The following RARB variants were observed in gnomAD, a reference collection of about 807,000 sequenced individuals.
The protein encoded by RARB is retinoic acid receptor beta, also known as HBV-activated protein.
RARB carries 17 observed loss-of-function variants against 51.9 expected under a neutral mutation model. That is an observed-to-expected ratio of 0.33 (90% CI 0.22 to 0.49). RARB has a LOEUF of 0.49. RARB is among the 20% of genes least tolerant of loss of function. The pLI, the probability that RARB is intolerant of heterozygous loss-of-function variation, is 0.99. For missense variants in RARB, 369 were observed against 550.8 expected, an observed-to-expected ratio of 0.67 and a Z score of 3.30; for synonymous variants, 215 against 195.4, an observed-to-expected ratio of 1.10 and a Z score of -0.84.
intron 5 of RARB, among the ~76,000 whole-genome samples, chr3:25,279,450 C>T (rs1703470013): frequency 6.6e-6 from 1 of 151,900 alleles, no homozygotes; most frequent in Non-Finnish European, 1.5e-5. Context: ...ATAGGTTGTT[C>T]TAGGAGTTCA....
chr3:25,183,672 T>C (rs11711099), intron 5 of RARB, among the ~76,000 whole-genome samples: 61,045 of 151,998 alleles, frequency 0.4, 14,357 homozygotes, highest in East Asian at 0.69. Flanking sequence ...TATCTTCTAG[T>C]CTCTCTTTAG....
At chr3:25,144,950 A>G (rs1485221564) in intron 4 of RARB, among the ~76,000 whole-genome samples, 1 of 152,154 alleles carries the variant, frequency 6.6e-6, no homozygotes, top group Non-Finnish European at 1.5e-5. Flanking sequence ...CCTAACTTTC[A>G]TAATTTACAA....
intron 5 of RARB, among the ~76,000 whole-genome samples, chr3:25,187,342 G>T (rs1701002518): frequency 6.6e-6 from 1 of 151,998 alleles, no homozygotes. Flanking sequence ...CAAGATAACA[G>T]GTACTTCTTG....
chr3:25,247,021 A>G (rs1390520911), intron 5 of RARB, among the ~76,000 whole-genome samples: 1 of 152,208 alleles, frequency 6.6e-6, no homozygotes, highest in Non-Finnish European at 1.5e-5. Context: ...TGCCCTGCCC[A>G]GAGAGGAGGA....
intron 2 of RARB, among the ~76,000 whole-genome samples, chr3:24,956,709 G>C (rs938259159): frequency 6.6e-6 from 1 of 152,164 alleles, no homozygotes; most frequent in African/African-American, 2.4e-5. Context: ...AATGAAGACT[G>C]GTATATTGGA....
intron 5 of RARB, among the ~76,000 whole-genome samples, chr3:25,403,422 T>C (rs1707319326): frequency 6.6e-6 from 1 of 151,860 alleles, no homozygotes; most frequent in South Asian, 2.1e-4. Flanking sequence ...AATAAGAAAA[T>C]TTAAAAAATA....
At chr3:25,475,738 T>G (rs983584888) in intron 2 of RARB, among the ~76,000 whole-genome samples, 1 of 152,166 alleles carries the variant, frequency 6.6e-6, no homozygotes, top group South Asian at 2.1e-4. Flanking sequence ...CATTCTAAAG[T>G]AGGCTTCAAG....
chr3:25,301,385 A>G (rs1704033136), intron 5 of RARB, among the ~76,000 whole-genome samples: 1 of 152,136 alleles, frequency 6.6e-6, no homozygotes, highest in Non-Finnish European at 1.5e-5. Context: ...GCCCTAGGGC[A>G]CTGTTGGCTT....
chr3:24,840,105 T>C (rs1699904702), intron 1 of RARB, among the ~76,000 whole-genome samples: 2 of 152,216 alleles, frequency 1.3e-5, no homozygotes, highest in Non-Finnish European at 2.9e-5. Context: ...TGCAGAATGA[T>C]ATAATTAGCA....
At chr3:25,299,660 T>A (rs140963280) in intron 5 of RARB, among the ~76,000 whole-genome samples, 2 of 152,328 alleles carry the variant, frequency 1.3e-5, no homozygotes, top group Non-Finnish European at 1.5e-5. Flanking sequence ...ACCATACAAT[T>A]GGTTTTCTTT....
chr3:25,092,387 C>A (rs957280908), intron 3 of RARB, among the ~76,000 whole-genome samples: 10 of 152,052 alleles, frequency 6.6e-5, no homozygotes, highest in Non-Finnish European at 1.3e-4. Flanking sequence ...ACAAAAAAAC[C>A]TCTTTCCATA....
chr3:25,539,278 A>AT, intron 3 of RARB, among the ~76,000 whole-genome samples: 1 of 152,178 alleles, frequency 6.6e-6, no homozygotes, highest in Non-Finnish European at 1.5e-5. Context: ...ACAGCATTCT[A>AT]TTTGAGCGAA....
In RARB at chr3:25,221,923, G is replaced by A. The variant is rs1701956890; in HGVS notation, c.178+47348G>A. Among the ~76,000 whole-genome samples the A allele has an allele frequency of 2.0e-5, 3 of 152,292 alleles. No individual in the cohort carries two copies. The South Asian group carries it at 6.2e-4, about 32-fold the overall frequency. The stretch of plus-strand genomic sequence containing the variant: ...TTTTGATCAGTGCCAAAAACATGGT[G>A]CCAAAGAACATCTTGACATTACTAT... On this transcript the variant is annotated intron_variant, in intron 5 of 11. Coordinates refer to the RARB transcript ENST00000383772.
chr3:25,406,931 T>C (rs765873344), intron 5 of RARB, among the ~76,000 whole-genome samples: 1 of 152,242 alleles, frequency 6.6e-6, no homozygotes, highest in African/African-American at 2.4e-5. Flanking sequence ...CCCTTTGTTT[T>C]GATGCCTCTA....
At chr3:25,242,358 T>C (rs1263485065) in intron 5 of RARB, among the ~76,000 whole-genome samples, 1 of 152,216 alleles carries the variant, frequency 6.6e-6, no homozygotes, top group Non-Finnish European at 1.5e-5. Context: ...GCTTTTGGTG[T>C]TTTGGTCATG....
chr3:25,252,123 T>C (rs1475033125), intron 5 of RARB, among the ~76,000 whole-genome samples: 2 of 152,206 alleles, frequency 1.3e-5, no homozygotes, highest in Non-Finnish European at 2.9e-5. Flanking sequence ...TATTCTTTAC[T>C]ACCATTAAAT....
At chr3:24,966,026 T>G (rs546032043) in intron 2 of RARB, among the ~76,000 whole-genome samples, 1 of 152,290 alleles carries the variant, frequency 6.6e-6, no homozygotes, top group African/African-American at 2.4e-5. Flanking sequence ...TTAGCCTTAT[T>G]AAAGTAAATA....
chr3:25,379,921 G>A (rs1221968468), intron 5 of RARB, among the ~76,000 whole-genome samples: 2 of 152,060 alleles, frequency 1.3e-5, no homozygotes, highest in Admixed American at 6.6e-5. Flanking sequence ...TTCCTTGGGG[G>A]TCAAGGGAAC....
chr3:25,376,331 T>C (rs186756371), intron 5 of RARB, among the ~76,000 whole-genome samples: 1 of 152,368 alleles, frequency 6.6e-6, no homozygotes, highest in East Asian at 1.9e-4. Flanking sequence ...GGGATGCATG[T>C]AGTCCACTAG....
Sources: gnomAD v4.1 joint callset for allele counts (sites outside exome capture counted in the v4.1 genomes callset) on GRCh38, gnomAD v4.1.1 for gene constraint, MANE v1.5 for transcripts, NCBI Gene and HGNC (gene_info 2026-07-23, HGNC 2026-07-21) for gene names.